SHTN1: variants seen among roughly 807,000 people sequenced by gnomAD.
SHTN1 encodes the protein shootin 1.
SHTN1 carries 42 observed loss-of-function variants against 83.1 expected under a neutral mutation model. The observed-to-expected ratio is 0.51, with a 90% confidence interval of 0.39 to 0.65. SHTN1 has a LOEUF of 0.65. Among genes scored for constraint, SHTN1 ranks in the 30% least tolerant of loss-of-function variants. The probability of loss-of-function intolerance (pLI) is 0.00; values close to 1 mark genes in which losing one functional copy is unlikely to be tolerated. For missense variants in SHTN1, 622 were observed against 737.8 expected, an observed-to-expected ratio of 0.84 and a Z score of 1.82; for synonymous variants, 224 against 247.7, an observed-to-expected ratio of 0.90 and a Z score of 0.90.
intron 4 of SHTN1, among the ~76,000 whole-genome samples, chr10:116,954,457 G>C (rs1212108777): frequency 6.6e-6 from 1 of 152,112 alleles, no homozygotes; most frequent in Non-Finnish European, 1.5e-5. Context: ...GAAATATAAG[G>C]AACTAAGATA....
At chr10:117,088,480 A>G (rs1033692032) in intron 1 of SHTN1, among the ~76,000 whole-genome samples, 3 of 152,234 alleles carry the variant, frequency 2.0e-5, no homozygotes, top group African/African-American at 7.2e-5. Flanking sequence ...GTTAGAAATA[A>G]GCATGAAAAT....
intron 2 of SHTN1, among the ~76,000 whole-genome samples, chr10:117,043,902 A>T (rs1852624234): frequency 6.6e-6 from 1 of 152,146 alleles, no homozygotes; most frequent in Non-Finnish European, 1.5e-5. Flanking sequence ...TTTTAGGGGA[A>T]AATAAAATAT....
intron 15 of SHTN1, among the ~76,000 whole-genome samples, chr10:116,904,776 T>C (rs1465354545): frequency 6.6e-6 from 1 of 152,216 alleles, no homozygotes; most frequent in East Asian, 1.9e-4. Context: ...AACTCTGAAA[T>C]GTGAGTATTG....
intron 15 of SHTN1, among the ~76,000 whole-genome samples, chr10:116,905,156 T>C (rs1847916680): frequency 6.8e-6 from 1 of 146,030 alleles, no homozygotes; most frequent in African/African-American, 2.6e-5. Context: ...GAGCCGAGAT[T>C]GCGCCACTGC....
chr10:117,005,491 TG>T (rs774341759), upstream of SHTN1: 47 of 1,021,164 alleles, frequency 4.6e-5, no homozygotes, highest in Admixed American at 5.8e-5. Context: ...AAACCGGCTG[TG>T]GGTTCGCAGC....
chr10:117,068,086 T>C (rs1853028986), intron 1 of SHTN1, among the ~76,000 whole-genome samples: 2 of 151,970 alleles, frequency 1.3e-5, no homozygotes, highest in African/African-American at 2.4e-5. Context: ...AGACGAGAAA[T>C]GGGAACCCAT....
chr10:117,038,838 G>C (rs747577214), intron 2 of SHTN1, among the ~76,000 whole-genome samples: 1 of 152,164 alleles, frequency 6.6e-6, no homozygotes, highest in African/African-American at 2.4e-5. Flanking sequence ...GAACACTGAC[G>C]ATACCAAATG....
intron 1 of SHTN1, among the ~76,000 whole-genome samples, chr10:116,999,730 T>C (rs762692964): frequency 3.9e-5 from 6 of 152,100 alleles, no homozygotes; most frequent in Non-Finnish European, 8.8e-5. Flanking sequence ...CTGACCAACA[T>C]AGTGAAACCC....
intron 1 of SHTN1, among the ~76,000 whole-genome samples, chr10:117,048,991 T>C (rs1324028246): frequency 1.3e-5 from 2 of 152,204 alleles, no homozygotes; most frequent in Admixed American, 1.3e-4. Context: ...GGAGTCTCAA[T>C]TGGTTCATCT....
intron 1 of SHTN1, among the ~76,000 whole-genome samples, chr10:117,119,117 G>C (rs1853889599): frequency 6.6e-6 from 1 of 152,144 alleles, no homozygotes; most frequent in South Asian, 2.1e-4. Context: ...TTCAAATGTG[G>C]AATCTAAGTG....
intron 2 of SHTN1, among the ~76,000 whole-genome samples, chr10:116,972,658 A>G (rs1850658951): frequency 6.6e-6 from 1 of 152,190 alleles, no homozygotes; most frequent in Non-Finnish European, 1.5e-5. Flanking sequence ...CCATTTGTAA[A>G]AACTGCTTCT....
chr10:117,094,867 G>A (rs1323929426), intron 1 of SHTN1, among the ~76,000 whole-genome samples: 4 of 152,186 alleles, frequency 2.6e-5, no homozygotes, highest in East Asian at 1.9e-4. Context: ...TCTGAATCTC[G>A]ATAAGTTACA....
chr10:116,987,279 T>C (rs1851252620), intron 1 of SHTN1, among the ~76,000 whole-genome samples: 1 of 152,162 alleles, frequency 6.6e-6, no homozygotes, highest in Non-Finnish European at 1.5e-5. Flanking sequence ...GATAAAACTA[T>C]GATCTAATCA....
chr10:116,910,638 C>T (rs1267006206), intron 14 of SHTN1, among the ~76,000 whole-genome samples: 1 of 152,126 alleles, frequency 6.6e-6, no homozygotes, highest in Non-Finnish European at 1.5e-5. Context: ...TCACTGTTGG[C>T]CAGAACTGTG....
chr10:117,017,850 A>C (rs942619324), intron 2 of SHTN1, among the ~76,000 whole-genome samples: 1 of 152,214 alleles, frequency 6.6e-6, no homozygotes, highest in Non-Finnish European at 1.5e-5. Flanking sequence ...ATTAACTTAC[A>C]TTGATATGAC....
chr10:116,922,907 A>C (rs1848613850), intron 11 of SHTN1, among the ~76,000 whole-genome samples: 1 of 152,136 alleles, frequency 6.6e-6, no homozygotes. Context: ...CGGAAGTTGC[A>C]GTAAGCCAAG....
intron 9 of SHTN1, among the ~76,000 whole-genome samples, chr10:116,939,013 C>T (rs1849269779): frequency 6.6e-6 from 1 of 152,170 alleles, no homozygotes; most frequent in Admixed American, 6.5e-5. Flanking sequence ...GACACCCTGC[C>T]CCCCACCAAG....
At chr10:117,050,258 GATAA>G (rs1852722057) in intron 1 of SHTN1, among the ~76,000 whole-genome samples, 1 of 151,964 alleles carries the variant, frequency 6.6e-6, no homozygotes, top group Non-Finnish European at 1.5e-5. Flanking sequence ...TAGCAAGACT[GATAA>G]AGATAAAAAG....
chr10:117,064,716 C>T (rs1852950005), intron 1 of SHTN1, among the ~76,000 whole-genome samples: 1 of 152,016 alleles, frequency 6.6e-6, no homozygotes, highest in Admixed American at 6.6e-5. Context: ...CCACTTGTCC[C>T]ACCCTCAACA....
Sources: gnomAD v4.1 joint callset for allele counts (sites outside exome capture counted in the v4.1 genomes callset) on GRCh38, gnomAD v4.1.1 for gene constraint, MANE v1.5 for transcripts, NCBI Gene and HGNC (gene_info 2026-07-23, HGNC 2026-07-21) for gene names.